The following ENOX1 variants were observed in gnomAD, a reference collection of about 807,000 sequenced individuals.
ENOX1 encodes candidate growth-related and time keeping constitutive hydroquinone (NADH) oxidase.
ENOX1 carries 42 observed loss-of-function variants against 82.5 expected under a neutral mutation model. The observed-to-expected ratio is 0.51, with a 90% CI of 0.40 to 0.66. The LOEUF (loss-of-function observed/expected upper bound fraction) is 0.66, where lower values mean the gene tolerates loss of function less well. Ranked by LOEUF, ENOX1 falls within the 30% of genes least tolerant of loss-of-function variation. The pLI, the probability that ENOX1 is intolerant of heterozygous loss-of-function variation, is 0.00. For missense variants in ENOX1, 608 were observed against 811.6 expected, an observed-to-expected ratio of 0.75 and a Z score of 3.05; for synonymous variants, 271 against 282.2, an observed-to-expected ratio of 0.96 and a Z score of 0.40.
chr13:43,475,794 CAAAAAAAAAA>C (rs10624980), intron 3 of ENOX1, among the ~76,000 whole-genome samples: 2 of 70,946 alleles, frequency 2.8e-5, no homozygotes, highest in East Asian at 1.0e-3. Context: ...CATAACTGAC[CAAAAAAAAAA>C]AAAAAAAAAA....
At chr13:43,671,370 T>C (rs9567244) in intron 1 of ENOX1, among the ~76,000 whole-genome samples, 4,199 of 152,288 alleles carry the variant, frequency 0.028, 252 homozygotes, top group East Asian at 0.16. Flanking sequence ...AGAACTAGAA[T>C]GAAAAGAGGT....
At chr13:43,501,119 G>A (rs952969891) in intron 2 of ENOX1, among the ~76,000 whole-genome samples, 3 of 151,418 alleles carry the variant, frequency 2.0e-5, no homozygotes, top group African/African-American at 7.3e-5. Flanking sequence ...TTGTCTACAA[G>A]AGAAGAACTT....
intron 5 of ENOX1, among the ~76,000 whole-genome samples, chr13:43,374,637 T>C: frequency 6.6e-6 from 1 of 152,272 alleles, no homozygotes. Context: ...TTCATTCTTA[T>C]TCACAGAAGC....
chr13:43,551,462 A>C (rs1478782338), intron 2 of ENOX1, among the ~76,000 whole-genome samples: 1 of 152,154 alleles, frequency 6.6e-6, no homozygotes, highest in Non-Finnish European at 1.5e-5. Flanking sequence ...AAAAAAATGA[A>C]AATTATGCAG....
intron 2 of ENOX1, among the ~76,000 whole-genome samples, chr13:43,534,061 C>T (rs2153690063): frequency 6.6e-6 from 1 of 152,190 alleles, no homozygotes; most frequent in East Asian, 1.9e-4. Flanking sequence ...ATTTGTCCTC[C>T]AAAAATTTGC....
chr13:43,594,006 G>A (rs958187887), intron 2 of ENOX1, among the ~76,000 whole-genome samples: 3 of 152,036 alleles, frequency 2.0e-5, no homozygotes, highest in African/African-American at 4.8e-5. Context: ...CTCTTACTGC[G>A]CCCAACAACG....
At chr13:43,543,985 T>C (rs1412317258) in intron 2 of ENOX1, 3 of 147,514 alleles carry the variant, frequency 2.0e-5, no homozygotes, top group Non-Finnish European at 3.0e-5. Context: ...AGCACGATCT[T>C]GGCTCATGGC....
chr13:43,330,856 T>C (rs1356949403), intron 9 of ENOX1, among the ~76,000 whole-genome samples: 2 of 152,304 alleles, frequency 1.3e-5, no homozygotes, highest in South Asian at 4.2e-4. Flanking sequence ...CATACACACA[T>C]TACACACATA....
At chr13:43,619,033 A>G (rs1161654912) in intron 2 of ENOX1, among the ~76,000 whole-genome samples, 14 of 108,336 alleles carry the variant, frequency 1.3e-4, no homozygotes, top group Admixed American at 4.0e-4. Context: ...TCTTGATTTG[A>G]TTTTCTAGCC....
chr13:43,308,539 C>CA (rs1423311869), intron 11 of ENOX1, among the ~76,000 whole-genome samples: 1 of 152,110 alleles, frequency 6.6e-6, no homozygotes, highest in Non-Finnish European at 1.5e-5. Context: ...TTTCAGGTAG[C>CA]AATATTTTAT....
chr13:43,273,058 G>A (rs1231672615), intron 12 of ENOX1, among the ~76,000 whole-genome samples: 1 of 152,116 alleles, frequency 6.6e-6, no homozygotes, highest in African/African-American at 2.4e-5. Flanking sequence ...TTACAACACT[G>A]CCTTTACAGC....
intron 3 of ENOX1, among the ~76,000 whole-genome samples, chr13:43,461,914 A>G (rs1431272566): frequency 6.6e-6 from 1 of 152,206 alleles, no homozygotes; most frequent in Non-Finnish European, 1.5e-5. Context: ...TAAGACATTG[A>G]AAAAGAGGAT....
chr13:43,356,552 A>G, intron 7 of ENOX1, among the ~76,000 whole-genome samples: 1 of 152,240 alleles, frequency 6.6e-6, no homozygotes, highest in South Asian at 2.1e-4. Flanking sequence ...TGGTTTTATT[A>G]TATTTTCAGC....
intron 3 of ENOX1, among the ~76,000 whole-genome samples, chr13:43,461,854 C>T (rs1998471): frequency 0.45 from 67,761 of 152,060 alleles, 15,525 homozygotes; most frequent in Non-Finnish European, 0.5. Context: ...AGACCAACTG[C>T]TGAGCAAGGA....
At chr13:43,465,640 G>T (rs1328881039) in intron 3 of ENOX1, among the ~76,000 whole-genome samples, 1 of 152,026 alleles carries the variant, frequency 6.6e-6, no homozygotes, top group Non-Finnish European at 1.5e-5. Flanking sequence ...AGCAGAAAGA[G>T]CCAAGAAGTA....
chr13:43,616,103 GATAGATATCTATAGATCT>G (rs1218073668), intron 2 of ENOX1, among the ~76,000 whole-genome samples: 665 of 7,912 alleles, frequency 0.084, 113 homozygotes, highest in African/African-American at 0.15. Context: ...TATCTATATA[GATAGATATCTATAGATCT>G]ATAGATATCT....
At chr13:43,478,105 T>C (rs17575422) in intron 3 of ENOX1, among the ~76,000 whole-genome samples, 63,112 of 129,320 alleles carry the variant, frequency 0.49, 14,385 homozygotes, top group Middle Eastern at 0.55. Flanking sequence ...CAGTGGAAAA[T>C]AAGCCTGAAA....
chr13:43,447,566 C>A (rs947961357), intron 3 of ENOX1, among the ~76,000 whole-genome samples: 2 of 151,808 alleles, frequency 1.3e-5, no homozygotes, highest in East Asian at 3.9e-4. Flanking sequence ...TGGGTTTTAT[C>A]CAGAATGCAG....
intron 3 of ENOX1, among the ~76,000 whole-genome samples, chr13:43,436,501 A>C (rs909369718): frequency 1.3e-5 from 2 of 152,238 alleles, no homozygotes; most frequent in Non-Finnish European, 2.9e-5. Flanking sequence ...CTTTAAATAA[A>C]GTCATGGAGA....
Sources: allele counts gnomAD v4.1 joint callset (sites outside exome capture counted in the v4.1 genomes callset), GRCh38; gene constraint gnomAD v4.1.1; transcripts MANE v1.5; gene names NCBI Gene and HGNC (gene_info 2026-07-23, HGNC 2026-07-21).